ABHD17B: variants seen among roughly 807,000 people sequenced by gnomAD.
The protein encoded by ABHD17B is alpha/beta hydrolase domain-containing protein 17B.
In ABHD17B, 9 loss-of-function variants were observed where a neutral mutation model predicts 26.2. The observed-to-expected ratio is 0.34, with a 90% CI of 0.21 to 0.60. The LOEUF (loss-of-function observed/expected upper bound fraction) is 0.60, where lower values mean the gene tolerates loss of function less well. ABHD17B is among the 20% of genes least tolerant of loss of function. The probability of loss-of-function intolerance (pLI) is 0.80; values close to 1 mark genes in which losing one functional copy is unlikely to be tolerated. For missense variants in ABHD17B, 224 were observed against 352.1 expected (o/e 0.64, Z 2.91); for synonymous variants, 127 against 122.3 (o/e 1.04, Z -0.25).
At chr9:71,908,447 C>G (rs1827350572) in intron 1 of ABHD17B, among the ~76,000 whole-genome samples, 1 of 148,922 alleles carries the variant, frequency 6.7e-6, no homozygotes, top group Non-Finnish European at 1.5e-5. Flanking sequence ...CTCCAACTCA[C>G]AAGGCTGGAT....
In ABHD17B at chr9:71,874,773, T is replaced by C; in HGVS notation, c.308A>G (p.Asp103Gly). The change falls in exon 2 of 4, where the codon GAT becomes GGT. Residue 103 changes from aspartate to glycine, a missense_variant. Coordinates refer to ENST00000333421, the MANE Select transcript of ABHD17B (RefSeq NM_001025780.3). ...TLLFSHGNAV[D>G]LGQMSSFYIG... ...GTAAAAGCTGCTCATTTGACCAAGA[T>C]CAACAGCATTTCCATGTGAGAAGAG... 2 of 1,614,200 alleles carry C rather than the reference T, an allele frequency of 1.2e-6. No homozygotes were observed. The highest frequency in any genetic ancestry group is 1.7e-6 in the Non-Finnish European group (2 of 1,180,032).
chr9:71,870,448 A>C (rs970426046), intron 2 of ABHD17B, among the ~76,000 whole-genome samples, 186 bp from the exon 3 acceptor site: 2 of 151,768 alleles, frequency 1.3e-5, no homozygotes, highest in African/African-American at 4.9e-5. Context: ...AGTTTATTTC[A>C]TGTGTTTCTC....
intron 1 of ABHD17B, among the ~76,000 whole-genome samples, chr9:71,875,950 T>G (rs936573067): frequency 3.9e-5 from 6 of 152,186 alleles, no homozygotes; most frequent in Non-Finnish European, 8.8e-5. Flanking sequence ...AGGATTTGAC[T>G]CCAGGCTGTC....
At chr9:71,894,150 T>C (rs1826886091) in intron 1 of ABHD17B, among the ~76,000 whole-genome samples, 3 of 145,624 alleles carry the variant, frequency 2.1e-5, no homozygotes, top group Admixed American at 1.4e-4. Context: ...ATTCTAAGGA[T>C]TGTTGGAGTT....
chr9:71,867,952 A>G (rs759770230), intron 3 of ABHD17B, among the ~76,000 whole-genome samples: 4 of 151,678 alleles, frequency 2.6e-5, no homozygotes, highest in Non-Finnish European at 5.9e-5. Flanking sequence ...CATGCCTGTA[A>G]TCTCGGCACT....
intron 1 of ABHD17B, among the ~76,000 whole-genome samples, chr9:71,902,238 C>A (rs1827165488): frequency 6.6e-6 from 1 of 152,164 alleles, no homozygotes; most frequent in African/African-American, 2.4e-5. Flanking sequence ...TTTAGATAAT[C>A]TCTTTAGTGA....
At chr9:71,862,685 T>A, downstream of ABHD17B, 1 of 637,804 alleles carries the variant, frequency 1.6e-6, no homozygotes. Flanking sequence ...CATAACTGTT[T>A]ATGAAAAATC....
intron 1 of ABHD17B, among the ~76,000 whole-genome samples, chr9:71,908,392 CAAAAAAAAAA>C (rs371201006): frequency 7.5e-5 from 3 of 39,808 alleles, no homozygotes; most frequent in Admixed American, 2.6e-4. Context: ...AACTCCGTCT[CAAAAAAAAAA>C]AAAAAAAAAA....
At chr9:71,880,859 C>T (rs939692486) in intron 1 of ABHD17B, among the ~76,000 whole-genome samples, 3 of 151,620 alleles carry the variant, frequency 2.0e-5, no homozygotes, top group African/African-American at 4.8e-5. Flanking sequence ...CAAGGTAATT[C>T]CCATCAAAAT....
rs539529848 is a variant in ABHD17B at position 71,875,042 on chromosome 9, G to A, written c.39C>T (p.Phe13=). ...NLSFSELCCL[F]CCPPCPGKIA... is the part of the protein sequence containing the mutation. ...TCTTCCCTGGACAAGGTGGACAGCA[G>A]AAGAGGCAACATAGCTCACTAAATG... Residue 13 remains phenylalanine, a synonymous_variant, in exon 2 of 4, where the codon TTC becomes TTT. Coordinates refer to ENST00000333421, the MANE Select transcript of ABHD17B (RefSeq NM_001025780.3). 121 of 1,613,256 alleles carry A rather than the reference G, an allele frequency of 7.5e-5. No individual in the cohort carries two copies. Among genetic ancestry groups the A allele is most frequent in the Non-Finnish European group, 1.0e-4 (120 of 1,179,614 alleles).
chr9:71,896,409 T>A (rs1826956468), intron 1 of ABHD17B, among the ~76,000 whole-genome samples: 1 of 152,202 alleles, frequency 6.6e-6, no homozygotes, highest in South Asian at 2.1e-4. Flanking sequence ...GGAATATCCC[T>A]AGTTCTGTCA....
intron 1 of ABHD17B, among the ~76,000 whole-genome samples, chr9:71,905,743 G>C (rs891867520): frequency 1.3e-5 from 2 of 152,172 alleles, no homozygotes; most frequent in South Asian, 2.1e-4. Flanking sequence ...GTGCTGCTCA[G>C]ATTGGGCGCA....
intron 1 of ABHD17B, among the ~76,000 whole-genome samples, chr9:71,893,921 C>G (rs920626702): frequency 2.0e-5 from 3 of 151,810 alleles, no homozygotes; most frequent in African/African-American, 7.3e-5. Context: ...AACCCTGTCT[C>G]TAATAAAAAT....
chr9:71,872,584 A>C (rs556387872), intron 2 of ABHD17B, among the ~76,000 whole-genome samples: 1 of 152,282 alleles, frequency 6.6e-6, no homozygotes, highest in South Asian at 2.1e-4. Flanking sequence ...GTTTTAACTT[A>C]GCACCCTTTA....
intron 1 of ABHD17B, among the ~76,000 whole-genome samples, chr9:71,892,153 A>C (rs1826802930): frequency 6.6e-6 from 1 of 152,208 alleles, no homozygotes; most frequent in Non-Finnish European, 1.5e-5. Context: ...TAAGCTTCAG[A>C]TACAATCTTC....
At chr9:71,901,966 C>G (rs932033067) in intron 1 of ABHD17B, among the ~76,000 whole-genome samples, 1 of 152,172 alleles carries the variant, frequency 6.6e-6, no homozygotes, top group Non-Finnish European at 1.5e-5. Context: ...TCCCCCTACC[C>G]TCCTTGGTCT....
At chr9:71,865,057 T>G, downstream of ABHD17B, 2 of 687,112 alleles carry the variant, frequency 2.9e-6, no homozygotes, top group Non-Finnish European at 3.6e-6. Flanking sequence ...ATTTTAAAAA[T>G]TTTCAAACTA....
Position 71,905,268 on chromosome 9 carries a change from G to A in ABHD17B, c.-4+5366C>T, listed in dbSNP as rs535733579. 4.0e-5 allele frequency among the ~76,000 whole-genome samples: 6 copies of A among 151,092 alleles called. No individual in the cohort carries two copies. In the South Asian group the frequency reaches 8.4e-4, roughly 21 times the overall value. On this transcript the variant is annotated intron_variant, in intron 1 of 3. Transcript: ENST00000333421. ...CTCCTGAGTAGCTGGGATTACAGGC[G>A]CCCACCACTACACCCGGCTAAGTTT...
At chr9:71,877,269 CTGTT>C (rs973262996) in intron 1 of ABHD17B, among the ~76,000 whole-genome samples, 2 of 152,164 alleles carry the variant, frequency 1.3e-5, no homozygotes, top group Non-Finnish European at 2.9e-5. Flanking sequence ...TCAGTGCTGT[CTGTT>C]TAATATCTGT....
Sources: allele counts gnomAD v4.1 joint callset (sites outside exome capture counted in the v4.1 genomes callset), GRCh38; gene constraint gnomAD v4.1.1; transcripts MANE v1.5; gene names NCBI Gene and HGNC (gene_info 2026-07-23, HGNC 2026-07-21).